Variants in TNS3 observed in about 807,000 individuals in gnomAD.
TNS3 encodes the protein tensin 3.
TNS3 carries 45 observed loss-of-function variants against 140.9 expected under a neutral mutation model. The observed-to-expected ratio is 0.32, with a 90% CI of 0.25 to 0.41. The LOEUF (loss-of-function observed/expected upper bound fraction) is 0.41, where lower values mean the gene tolerates loss of function less well. Among genes scored for constraint, TNS3 ranks in the 10% least tolerant of loss-of-function variants. The pLI is 1.00. For missense variants in TNS3, 1,716 were observed against 1,906.7 expected, an observed-to-expected ratio of 0.90 and a Z score of 1.86; for synonymous variants, 815 against 788.4, an observed-to-expected ratio of 1.03 and a Z score of -0.56.
chr7:47,454,211 AC>A (rs1796151067), intron 4 of TNS3, among the ~76,000 whole-genome samples: 1 of 151,972 alleles, frequency 6.6e-6, no homozygotes, highest in Non-Finnish European at 1.5e-5. Flanking sequence ...CCAGTTTATA[AC>A]TAGCCAGGGG....
chr7:47,315,039 G>A (rs904402796), intron 20 of TNS3, among the ~76,000 whole-genome samples: 1 of 152,212 alleles, frequency 6.6e-6, no homozygotes, highest in Non-Finnish European at 1.5e-5. Context: ...CACAACGTGG[G>A]AGGCTCCAGA....
intron 29 of TNS3, 30 bp downstream of exon 29, chr7:47,280,256 C>A: frequency 3.7e-6 from 6 of 1,613,978 alleles, no homozygotes; most frequent in Non-Finnish European, 5.1e-6. Context: ...TAAGTACACT[C>A]CTTGCTCAAT....
chr7:47,539,253 A>G (rs946193729), intron 1 of TNS3: 1 of 401,366 alleles, frequency 2.5e-6, no homozygotes, highest in Non-Finnish European at 5.0e-6. Flanking sequence ...GTGGAAGGCA[A>G]ATGGTTGAAG....
chr7:47,446,493 A>ACCCAGACAGCAAAGCCT (rs1795737560), intron 4 of TNS3, among the ~76,000 whole-genome samples: 1 of 151,682 alleles, frequency 6.6e-6, no homozygotes, highest in Non-Finnish European at 1.5e-5. Context: ...GGGTGAAAAA[A>ACCCAGACAGCAAAGCCT]CCCAGACAGC....
Position 47,369,470 on chromosome 7 carries a change from G to A in TNS3, c.1176C>T (p.Asp392=). 1 of 1,614,194 alleles carries A rather than the reference G, an allele frequency of 6.2e-7. No individual in the cohort carries two copies. The highest frequency in any genetic ancestry group is 8.5e-7 in the Non-Finnish European group (1 of 1,180,038). ...TGGCAGAGGCTGTAGAGTGGCCGGAGTCACTGCTGACAGACAAGGTGTGGT... is the reference window on the plus strand; with the variant it reads ...TGGCAGAGGCTGTAGAGTGGCCGGAATCACTGCTGACAGACAAGGTGTGGT... ...HSDHTLSVSS[D]SGHSTASART... is the part of the protein sequence containing the mutation. Residue 392 remains aspartate (D), a synonymous_variant, in exon 17 of 31, where the codon GAC becomes GAT. Coordinates refer to ENST00000311160, the MANE Select transcript of TNS3 (RefSeq NM_022748.12).
chr7:47,548,598 C>T (rs558737562), intron 1 of TNS3, among the ~76,000 whole-genome samples: 3 of 152,322 alleles, frequency 2.0e-5, no homozygotes, highest in East Asian at 1.9e-4. Flanking sequence ...CCCTACCTCA[C>T]TGGTCCTGCC....
intron 1 of TNS3, among the ~76,000 whole-genome samples, chr7:47,555,013 C>T (rs939852708): frequency 8.1e-5 from 12 of 148,880 alleles, no homozygotes; most frequent in African/African-American, 3.0e-4. Context: ...GGCAACAGAG[C>T]GAGACTCTGT....
At chr7:47,552,191 T>C (rs1800082189) in intron 1 of TNS3, among the ~76,000 whole-genome samples, 1 of 152,124 alleles carries the variant, frequency 6.6e-6, no homozygotes, top group African/African-American at 2.4e-5. Context: ...ATTTAACAAA[T>C]AAAAGGAATG....
At chr7:47,541,097 A>G (rs923606811) in intron 1 of TNS3, among the ~76,000 whole-genome samples, 1 of 152,220 alleles carries the variant, frequency 6.6e-6, no homozygotes, top group Non-Finnish European at 1.5e-5. Flanking sequence ...AGATAAATGT[A>G]CAGGGGAGAG....
At chr7:47,405,873 G>C (rs1793419777) in intron 13 of TNS3, among the ~76,000 whole-genome samples, 1 of 152,094 alleles carries the variant, frequency 6.6e-6, no homozygotes. Context: ...CGGGTCACTG[G>C]AGCGAGGTTC....
intron 2 of TNS3, among the ~76,000 whole-genome samples, chr7:47,507,634 G>A (rs781329333): frequency 3.9e-5 from 6 of 152,262 alleles, no homozygotes; most frequent in South Asian, 4.1e-4. Flanking sequence ...GAACCAATGC[G>A]GATTTCACAG....
chr7:47,386,183 A>G (rs1792058695), intron 16 of TNS3, among the ~76,000 whole-genome samples: 1 of 152,248 alleles, frequency 6.6e-6, no homozygotes, highest in Non-Finnish European at 1.5e-5. Context: ...CACTAAACAC[A>G]TCTCTGGCTC....
At chr7:47,387,449 C>T (rs1404890357) in intron 16 of TNS3, among the ~76,000 whole-genome samples, 1 of 152,206 alleles carries the variant, frequency 6.6e-6, no homozygotes, top group Non-Finnish European at 1.5e-5. Context: ...AGGGAGCGTG[C>T]ATGTGGATGG....
intron 10 of TNS3, among the ~76,000 whole-genome samples, chr7:47,420,943 C>T (rs1794342849): frequency 6.6e-6 from 1 of 152,156 alleles, no homozygotes; most frequent in East Asian, 1.9e-4. Flanking sequence ...TATGCCAAGA[C>T]ATTTGTTTGG....
Position 47,507,007 on chromosome 7 carries a change from T to A in TNS3, c.-152-63A>T, listed in dbSNP as rs1798443256. 13 of 1,234,598 alleles carry A rather than the reference T, an allele frequency of 1.1e-5. No homozygotes were observed. The South Asian group carries it at 1.5e-4, about 14-fold the overall frequency. 76.5% of individuals were successfully genotyped at this position (1,234,598 alleles called of 1,614,324 possible). Reference sequence around the variant, plus strand: ...AGTCTCTCTAGCAAGAATTCTTACATCTTCAAACCCTCTCAATCCTTCAGA... The same window carrying A: ...AGTCTCTCTAGCAAGAATTCTTACAACTTCAAACCCTCTCAATCCTTCAGA... On this transcript the variant is annotated intron_variant, in intron 2 of 30. Transcript: ENST00000311160.
chr7:47,546,574 A>G (rs775910034), intron 1 of TNS3, among the ~76,000 whole-genome samples: 12 of 152,068 alleles, frequency 7.9e-5, no homozygotes, highest in Non-Finnish European at 1.6e-4. Context: ...TGCTCTTATA[A>G]TTTTTTTAAA....
intron 20 of TNS3, among the ~76,000 whole-genome samples, chr7:47,333,106 CT>C (rs577514405): frequency 4.2e-3 from 615 of 146,390 alleles, no homozygotes; most frequent in Non-Finnish European, 4.2e-3. Context: ...AAGCCAACAC[CT>C]TTTTTTTTTT....
intron 13 of TNS3, among the ~76,000 whole-genome samples, chr7:47,401,550 G>A (rs1217822543): frequency 6.6e-6 from 1 of 152,120 alleles, no homozygotes; most frequent in African/African-American, 2.4e-5. Flanking sequence ...ACTCAAGCTG[G>A]GGTTCATGAG....
chr7:47,369,554 A>T lies in TNS3; in HGVS notation c.1092T>A (p.Asp364Glu), dbSNP rs756168766. 11 of 1,612,052 alleles carry T rather than the reference A, an allele frequency of 6.8e-6. No individual in the cohort carries two copies. The Admixed American group carries it at 1.8e-4, about 27-fold the overall frequency. ...YAKVRKKSSS[D>E]PGIPGGPQAI... ...CCTGGGGGCCACCTGGGATGCCAGG[A>T]TCCGAGGAGCTTTTCTTCCTCACCT... Residue 364 changes from aspartate (D) to glutamate (E), a missense_variant, in exon 17 of 31, where the codon GAT (aspartate) becomes GAA (glutamate). Asp to Glu is a conservative substitution (Grantham distance 45). This residue lies in a region of TNS3 where 1,163 missense variants were observed against 1,182.1 expected (regional missense o/e 0.98). Transcript: ENST00000311160.
Sources: allele counts gnomAD v4.1 joint callset (sites outside exome capture counted in the v4.1 genomes callset), GRCh38; gene constraint gnomAD v4.1.1; regional missense constraint gnomAD v4.1.1; transcripts MANE v1.5; gene names NCBI Gene and HGNC (gene_info 2026-07-23, HGNC 2026-07-21).